BMP5: variants seen among roughly 807,000 people sequenced by gnomAD.
BMP5 encodes the protein bone morphogenetic protein 5.
BMP5 carries 23 observed loss-of-function variants against 46.6 expected under a neutral mutation model. The ratio of observed to expected loss-of-function variants is 0.49; its 90% CI spans 0.35 to 0.70. The LOEUF is 0.70. Among genes scored for constraint, BMP5 ranks in the 30% least tolerant of loss-of-function variants. BMP5 has a pLI of 0.00. For synonymous variants in BMP5, 204 were observed against 191.9 expected, an observed-to-expected ratio of 1.06 and a Z score of -0.52; for missense variants, 545 against 565.6, an observed-to-expected ratio of 0.96 and a Z score of 0.37.
chr6:55,847,355 T>G (rs1777122175), intron 1 of BMP5, among the ~76,000 whole-genome samples: 1 of 152,026 alleles, frequency 6.6e-6, no homozygotes, highest in South Asian at 2.1e-4. Context: ...GAGACAAAAC[T>G]TGTATGCAAT....
chr6:55,794,469 T>G (rs199901731), intron 2 of BMP5, 42 bp from the exon 3 acceptor site: 188 of 1,583,234 alleles, frequency 1.2e-4, no homozygotes, highest in Non-Finnish European at 1.4e-4. Context: ...AAGGTTTAAA[T>G]GAACATCATT....
intron 2 of BMP5, among the ~76,000 whole-genome samples, chr6:55,808,889 G>A (rs181918677): frequency 6.6e-5 from 10 of 152,198 alleles, no homozygotes; most frequent in African/African-American, 1.4e-4. Context: ...GCCTCCTATC[G>A]CTACTGCTTC....
chr6:55,758,279 A>C (rs1774664671), intron 6 of BMP5, among the ~76,000 whole-genome samples: 1 of 151,876 alleles, frequency 6.6e-6, no homozygotes, highest in Non-Finnish European at 1.5e-5. Context: ...CCTCTCATTT[A>C]GTCTTAGGGA....
intron 1 of BMP5, among the ~76,000 whole-genome samples, chr6:55,821,762 C>T (rs999964753): frequency 2.0e-5 from 3 of 152,158 alleles, no homozygotes; most frequent in Non-Finnish European, 4.4e-5. Flanking sequence ...CTCCTCCTTC[C>T]TCTCCCTTTT....
chr6:55,782,507 T>C (rs1485729432), intron 3 of BMP5, among the ~76,000 whole-genome samples: 3 of 152,154 alleles, frequency 2.0e-5, no homozygotes, highest in Non-Finnish European at 4.4e-5. Flanking sequence ...AACAAAAGCA[T>C]CCTGAACCAT....
intron 2 of BMP5, among the ~76,000 whole-genome samples, chr6:55,795,941 A>G (rs1040445931): frequency 2.6e-5 from 4 of 152,170 alleles, no homozygotes; most frequent in Non-Finnish European, 4.4e-5. Flanking sequence ...AGAACCCTTT[A>G]TAGTCCCAGT....
rs754943833 is a variant in BMP5, at chr6:55,874,818, C to G, written c.48G>C (p.Trp16Cys). ...FLLKGIVGFL[W>C]SCWVLVGYAK... is the part of the protein sequence containing the mutation. ...CATAACCCACTAGAACCCAGCAGCT[C>G]CAGAGGAAACCCACAATACCCTTAA... Residue 16 changes from tryptophan to cysteine, a missense_variant, in exon 1 of 7, where the codon TGG becomes TGC. Trp to Cys is a radical substitution (Grantham distance 215). Transcript: ENST00000370830. 1 of 1,613,178 alleles carries G rather than the reference C, an allele frequency of 6.2e-7. No homozygotes were observed. The highest frequency in any genetic ancestry group is 1.1e-5 in the South Asian group (1 of 91,068).
chr6:55,853,138 TAAATAAAATAAAATAAAATAAAATA>T (rs750937640), intron 1 of BMP5, among the ~76,000 whole-genome samples: 8,342 of 107,378 alleles, frequency 0.078, 521 homozygotes, highest in Middle Eastern at 0.14. Context: ...CTCAAATACA[TAAATAAAATAAAATAAAATAAAATA>T]AAATAAAATA....
intron 2 of BMP5, among the ~76,000 whole-genome samples, chr6:55,810,588 G>A (rs980789505): frequency 1.3e-5 from 2 of 152,172 alleles, no homozygotes; most frequent in African/African-American, 2.4e-5. Flanking sequence ...TGCAGTGAAT[G>A]AGCAATGTAC....
intron 3 of BMP5, among the ~76,000 whole-genome samples, chr6:55,783,718 C>A (rs1381034895): frequency 6.6e-6 from 1 of 151,866 alleles, no homozygotes; most frequent in Non-Finnish European, 1.5e-5. Context: ...CCCCACAGAT[C>A]ATCAGTTTAG....
intron 1 of BMP5, among the ~76,000 whole-genome samples, chr6:55,825,341 GAAAT>G (rs1214647555): frequency 1.3e-5 from 2 of 151,702 alleles, no homozygotes; most frequent in African/African-American, 2.4e-5. Flanking sequence ...TAGAAGAAGA[GAAAT>G]AATTTATTAT....
chr6:55,797,191 C>T (rs1775736388), intron 2 of BMP5, among the ~76,000 whole-genome samples: 1 of 152,176 alleles, frequency 6.6e-6, no homozygotes, highest in Non-Finnish European at 1.5e-5. Context: ...TCCCCCCCAA[C>T]CCCATTCTGT....
intron 1 of BMP5, among the ~76,000 whole-genome samples, chr6:55,839,686 G>A (rs968071495): frequency 3.3e-5 from 5 of 152,078 alleles, no homozygotes; most frequent in African/African-American, 1.2e-4. Context: ...GTGTACCGTA[G>A]GTTATATGTA....
At chr6:55,827,140 T>C (rs1419232391) in intron 1 of BMP5, among the ~76,000 whole-genome samples, 1 of 151,628 alleles carries the variant, frequency 6.6e-6, no homozygotes, top group Non-Finnish European at 1.5e-5. Context: ...ATGAACAAAG[T>C]TGGGTGTATT....
At chr6:55,758,163 T>A (rs773881022) in intron 6 of BMP5, among the ~76,000 whole-genome samples, 3 of 151,952 alleles carry the variant, frequency 2.0e-5, no homozygotes, top group African/African-American at 7.2e-5. Flanking sequence ...GATTCTAAAA[T>A]AATGTGTTCT....
At chr6:55,872,692 G>A (rs1476774813) in intron 1 of BMP5, among the ~76,000 whole-genome samples, 3 of 151,696 alleles carry the variant, frequency 2.0e-5, no homozygotes, top group Non-Finnish European at 4.4e-5. Flanking sequence ...ATTCATGACT[G>A]AGCTATCGTT....
chr6:55,860,376 G>T (rs761538924), intron 1 of BMP5, among the ~76,000 whole-genome samples: 15 of 152,168 alleles, frequency 9.9e-5, no homozygotes, highest in Non-Finnish European at 1.5e-4. Context: ...GTGGCCAAGA[G>T]ATTTGAATAT....
intron 1 of BMP5, among the ~76,000 whole-genome samples, chr6:55,841,360 T>C (rs539601227): frequency 1.3e-5 from 2 of 152,318 alleles, no homozygotes; most frequent in Admixed American, 6.5e-5. Context: ...CAGAATCTCA[T>C]TGGTCACTGG....
intron 4 of BMP5, among the ~76,000 whole-genome samples, chr6:55,763,844 T>G (rs1473482749): frequency 1.3e-5 from 2 of 152,198 alleles, no homozygotes; most frequent in African/African-American, 4.8e-5. Flanking sequence ...TTATGCAAAT[T>G]TCTTTATGGT....
Sources: gnomAD v4.1 joint callset for allele counts (sites outside exome capture counted in the v4.1 genomes callset) on GRCh38, gnomAD v4.1.1 for gene constraint, MANE v1.5 for transcripts, NCBI Gene and HGNC (gene_info 2026-07-23, HGNC 2026-07-21) for gene names.